The following GARRE1 variants were observed in gnomAD, a reference collection of about 807,000 sequenced individuals.
The protein encoded by GARRE1 is granule associated Rac and RHOG effector protein 1.
GARRE1 carries 49 observed loss-of-function variants against 103.2 expected under a neutral mutation model. The ratio of observed to expected loss-of-function variants is 0.47; its 90% CI spans 0.38 to 0.60. GARRE1 has a LOEUF of 0.60. Ranked by LOEUF, GARRE1 falls within the 20% of genes least tolerant of loss-of-function variation. GARRE1 has a pLI of 0.00. For synonymous variants in GARRE1, 505 were observed against 532.8 expected (o/e 0.95, Z 0.72); for missense variants, 1,199 against 1,370.5 (o/e 0.87, Z 1.98).
chr19:34,263,207 C>T (rs2073729815), intron 1 of GARRE1, among the ~76,000 whole-genome samples: 1 of 151,528 alleles, frequency 6.6e-6, no homozygotes, highest in African/African-American at 2.4e-5. Flanking sequence ...AGCAAGATTC[C>T]ATCTCAAAAA....
chr19:34,351,209 A>AT (rs113016419), intron 12 of GARRE1, among the ~76,000 whole-genome samples: 63,945 of 146,460 alleles, frequency 0.44, 15,361 homozygotes, highest in East Asian at 0.78. Context: ...AAAAAAAAAA[A>AT]AAAATAAAAT....
intron 1 of GARRE1, among the ~76,000 whole-genome samples, chr19:34,267,716 T>C (rs1026614897): frequency 4.7e-5 from 7 of 149,622 alleles, no homozygotes; most frequent in Non-Finnish European, 1.0e-4. Flanking sequence ...TGGTGTAGAC[T>C]GTTGATTTTT....
rs762268753 is a variant in GARRE1 at position 34,319,961 on chromosome 19, C to A, written c.550C>A (p.His184Asn). The change falls in exon 3 of 14, where the codon CAT becomes AAT. Residue 184 changes from histidine to asparagine, a missense_variant. Coordinates refer to ENST00000299505, the MANE Select transcript of GARRE1 (RefSeq NM_014686.5). The part of the protein sequence containing the change: ...VVQVHFQFLT[H>N]ALQKVQPVAH... ...GCAAGTCCATTTCCAGTTTTTGACTCATGCGTTACAGAAGGTCCAGCCGGT... is the reference window on the plus strand; with the variant it reads ...GCAAGTCCATTTCCAGTTTTTGACTAATGCGTTACAGAAGGTCCAGCCGGT... 1 of 1,614,252 alleles carries A rather than the reference C, an allele frequency of 6.2e-7. No homozygotes were observed. The highest frequency in any genetic ancestry group is 8.5e-7 in the Non-Finnish European group (1 of 1,180,048).
intron 3 of GARRE1, among the ~76,000 whole-genome samples, chr19:34,327,184 TAATAA>T (rs1159680680): frequency 2.8e-5 from 4 of 140,720 alleles, no homozygotes; most frequent in Middle Eastern, 3.7e-3. Context: ...TAAAATAAAA[TAATAA>T]AATAAAAAAT....
chr19:34,277,314 G>A (rs905549012), intron 1 of GARRE1, among the ~76,000 whole-genome samples: 1 of 152,134 alleles, frequency 6.6e-6, no homozygotes, highest in Non-Finnish European at 1.5e-5. Context: ...AGATTAAAAG[G>A]TTGGCAGAAA....
At chr19:34,294,609 G>T (rs530533199) in intron 1 of GARRE1, among the ~76,000 whole-genome samples, 2 of 132,898 alleles carry the variant, frequency 1.5e-5, no homozygotes, top group African/African-American at 5.4e-5. Context: ...GGCTTCCCTT[G>T]GGAAGAGTTT....
chr19:34,325,918 C>T (rs1467572380), intron 3 of GARRE1, among the ~76,000 whole-genome samples: 2 of 152,178 alleles, frequency 1.3e-5, no homozygotes, highest in Non-Finnish European at 2.9e-5. Flanking sequence ...ACGACCTTCT[C>T]CTCTAATTCT....
chr19:34,330,039 C>T (rs1411162722), intron 6 of GARRE1, 150 bp from the exon 7 acceptor site: 3 of 681,302 alleles, frequency 4.4e-6, no homozygotes, highest in East Asian at 2.9e-5. Context: ...GAGCCATGTT[C>T]GTGCCACCGG....
At chr19:34,275,493 A>T (rs1014889528) in intron 1 of GARRE1, among the ~76,000 whole-genome samples, 8 of 152,064 alleles carry the variant, frequency 5.3e-5, no homozygotes, top group South Asian at 2.1e-4. Context: ...TATTAAGGGA[A>T]CTTTGGGTCT....
intron 1 of GARRE1, among the ~76,000 whole-genome samples, chr19:34,270,156 A>AATGAGGCC (rs2145957232): frequency 6.6e-6 from 1 of 152,368 alleles, no homozygotes; most frequent in African/African-American, 2.4e-5. Flanking sequence ...TTGCACAGGA[A>AATGAGGCC]ATGAGGCGGC....
At chr19:34,275,453 T>G (rs1173009734) in intron 1 of GARRE1, among the ~76,000 whole-genome samples, 1 of 152,114 alleles carries the variant, frequency 6.6e-6, no homozygotes, top group Non-Finnish European at 1.5e-5. Context: ...ACTTTTTGTT[T>G]CAATGGATTT....
intron 2 of GARRE1, among the ~76,000 whole-genome samples, chr19:34,315,482 C>A (rs1627241): frequency 1.3e-5 from 2 of 151,848 alleles, no homozygotes; most frequent in African/African-American, 4.8e-5. Context: ...GAGGCCAAGG[C>A]GGGTGGATCA....
intron 2 of GARRE1, among the ~76,000 whole-genome samples, chr19:34,305,958 A>G (rs1731995914): frequency 6.6e-6 from 1 of 152,190 alleles, no homozygotes; most frequent in Admixed American, 6.5e-5. Flanking sequence ...CAGCTGACTT[A>G]CAAGTGAATT....
In GARRE1 at chr19:34,341,354, A is replaced by C; in HGVS notation, c.1488-68A>C. On this transcript the variant is annotated intron_variant, in intron 9 of 13. Coordinates refer to ENST00000299505, the MANE Select transcript of GARRE1 (RefSeq NM_014686.5). ...TGCTCTCAACGCCATTCTTAAATAC[A>C]AAGAGGTCCATTTTATTATTTTATA... 5 of 1,342,700 alleles carry C rather than the reference A, an allele frequency of 3.7e-6. No homozygotes were observed. In the South Asian group the frequency reaches 6.8e-5, roughly 18 times the overall value. 83.2% of individuals were successfully genotyped at this position (1,342,700 alleles called of 1,614,324 possible). A position where few individuals can be genotyped will look rare whatever the true frequency, so the allele number is the denominator to read the frequency against.
chr19:34,288,306 A>G (rs948848885), intron 1 of GARRE1, among the ~76,000 whole-genome samples: 51 of 152,186 alleles, frequency 3.4e-4, no homozygotes, highest in African/African-American at 1.2e-3. Context: ...GTGTTTGACT[A>G]AAGTTTCCTT....
At chr19:34,287,331 T>A (rs1431795945) in intron 1 of GARRE1, among the ~76,000 whole-genome samples, 3 of 152,008 alleles carry the variant, frequency 2.0e-5, no homozygotes, top group Non-Finnish European at 4.4e-5. Flanking sequence ...TTTTTGTTGT[T>A]GTTTGTTTAG....
chr19:34,267,213 C>T (rs1247057320), intron 1 of GARRE1, among the ~76,000 whole-genome samples: 2 of 152,084 alleles, frequency 1.3e-5, no homozygotes, highest in African/African-American at 2.4e-5. Flanking sequence ...TGCAGTGAGC[C>T]GCGATCACAC....
chr19:34,278,846 A>T (rs1162672098), intron 1 of GARRE1, among the ~76,000 whole-genome samples: 1 of 151,842 alleles, frequency 6.6e-6, no homozygotes, highest in Non-Finnish European at 1.5e-5. Flanking sequence ...TAATTTTTAA[A>T]TTTTTTGTAG....
intron 1 of GARRE1, among the ~76,000 whole-genome samples, chr19:34,293,627 T>G (rs2073929968): frequency 6.6e-6 from 1 of 150,678 alleles, no homozygotes; most frequent in Admixed American, 6.7e-5. Context: ...ACTTCTGGGC[T>G]CAAGTGATCT....
Sources: allele counts gnomAD v4.1 joint callset (sites outside exome capture counted in the v4.1 genomes callset), GRCh38; gene constraint gnomAD v4.1.1; transcripts MANE v1.5; gene names NCBI Gene and HGNC (gene_info 2026-07-23, HGNC 2026-07-21).